Variants in PCDHGA3 observed in about 807,000 individuals in gnomAD.
The protein encoded by PCDHGA3 is protocadherin gamma subfamily A, 3, also known as protocadherin gamma-A3.
PCDHGA3 carries 40 observed loss-of-function variants against 58.5 expected under a neutral mutation model. The observed-to-expected ratio is 0.68, with a 90% confidence interval of 0.53 to 0.89. PCDHGA3 has a LOEUF of 0.89. Among genes scored for constraint, PCDHGA3 ranks in the 40% least tolerant of loss-of-function variants. The pLI, the probability that PCDHGA3 is intolerant of heterozygous loss-of-function variation, is 0.00. For synonymous variants in PCDHGA3, 530 were observed against 525.7 expected, an observed-to-expected ratio of 1.01 and a Z score of -0.11; for missense variants, 1,223 against 1,195.9, an observed-to-expected ratio of 1.02 and a Z score of -0.33.
At chr5:141,394,186 C>T (rs1412149852) in intron 1 of PCDHGA3, 7 of 1,613,792 alleles carry the variant, frequency 4.3e-6, no homozygotes, top group South Asian at 1.1e-5. Context: ...GCCTCCTACT[C>T]AGCGTATATC....
chr5:141,351,640 C>A (rs1460500162), intron 1 of PCDHGA3: 8 of 1,613,948 alleles, frequency 5.0e-6, no homozygotes, highest in South Asian at 2.2e-5. Flanking sequence ...TGTCTGAGAA[C>A]AACCCACCTG....
intron 1 of PCDHGA3, among the ~76,000 whole-genome samples, chr5:141,447,123 T>TTTTG (rs1327676720): frequency 6.6e-6 from 1 of 152,160 alleles, no homozygotes; most frequent in Admixed American, 6.6e-5. Context: ...CCATGGATTT[T>TTTTG]TTTGTTTGTT....
At chr5:141,423,499 G>T (rs1590485367) in intron 1 of PCDHGA3, 1 of 1,613,966 alleles carries the variant, frequency 6.2e-7, no homozygotes, top group Non-Finnish European at 8.5e-7. Context: ...TTCCCACGAG[G>T]TCTCTCTCAT....
In PCDHGA3 at chr5:141,352,624, T is replaced by A. The variant is rs763883175; in HGVS notation, c.2424+6167T>A. 3.1e-6 allele frequency: 5 copies of A among 1,612,368 alleles called. No homozygotes were observed. In the Admixed American group the frequency reaches 5.0e-5, roughly 16 times the overall value. The stretch of plus-strand genomic sequence containing the variant: ...ATCCTTCTATGGTTGTATGTGCCAG[T>A]AATGAAGATCACAAAATCGCTTATG... On this transcript the variant is annotated intron_variant, in intron 1 of 3. Transcript: ENST00000253812.
At chr5:141,420,073 G>A (rs2096463936) in intron 1 of PCDHGA3, 23 of 1,613,964 alleles carry the variant, frequency 1.4e-5, no homozygotes, top group Non-Finnish European at 1.9e-5. Context: ...CCGGACCTGT[G>A]GGTCCCCCCA....
At chr5:141,510,518 G>A (rs904482737) in intron 3 of PCDHGA3, among the ~76,000 whole-genome samples, 9 of 152,112 alleles carry the variant, frequency 5.9e-5, no homozygotes, top group Non-Finnish European at 1.0e-4. Flanking sequence ...CCGTGTCACA[G>A]CCCTGAGAGA....
chr5:141,371,113 C>A lies in PCDHGA3; in HGVS notation c.2424+24656C>A. The A allele has an allele frequency of 6.2e-7, 1 of 1,613,950 alleles. No homozygotes were observed. Among genetic ancestry groups the A allele is most frequent in the Non-Finnish European group, 8.5e-7 (1 of 1,179,846 alleles). ...GTCGCAGATGCAAATGATAACCCCC[C>A]AGTATTTACTCAGGACATGTACAGG... On this transcript the variant is annotated intron_variant, in intron 1 of 3. Coordinates refer to ENST00000253812, the MANE Select transcript of PCDHGA3 (RefSeq NM_018916.4).
At chr5:141,406,940 A>C (rs2094868445) in intron 1 of PCDHGA3, among the ~76,000 whole-genome samples, 1 of 152,212 alleles carries the variant, frequency 6.6e-6, no homozygotes, top group African/African-American at 2.4e-5. Context: ...ATTTAATGTT[A>C]TTTTAAACAT....
intron 1 of PCDHGA3, chr5:141,383,740 T>C: frequency 6.2e-7 from 1 of 1,614,008 alleles, no homozygotes. Context: ...GACATATTCT[T>C]TTCGGAAAAT....
intron 1 of PCDHGA3, chr5:141,357,641 G>C: frequency 6.2e-7 from 1 of 1,611,778 alleles, no homozygotes; most frequent in South Asian, 1.1e-5. Context: ...TCTTATAATA[G>C]ATCATACCAC....
intron 1 of PCDHGA3, chr5:141,382,952 T>C (rs781221322): frequency 6.2e-7 from 1 of 1,601,438 alleles, no homozygotes; most frequent in Non-Finnish European, 8.5e-7. Context: ...CTGCTCTCCA[T>C]CCTCCTGGGG....
chr5:141,461,040 G>A (rs536064886), intron 1 of PCDHGA3, among the ~76,000 whole-genome samples: 123 of 150,514 alleles, frequency 8.2e-4, no homozygotes, highest in East Asian at 2.5e-3. Flanking sequence ...CTCATTAGTC[G>A]ATGGGGACTT....
intron 1 of PCDHGA3, chr5:141,361,129 A>G: frequency 6.2e-7 from 1 of 1,614,024 alleles, no homozygotes; most frequent in Non-Finnish European, 8.5e-7. Context: ...AGCCCACTGC[A>G]GTATCCAAGT....
intron 1 of PCDHGA3, chr5:141,421,633 G>C (rs1369645749): frequency 1.9e-6 from 3 of 1,613,716 alleles, no homozygotes; most frequent in Non-Finnish European, 2.5e-6. Context: ...CAGCTTCCAG[G>C]AGGACGAAGT....
intron 1 of PCDHGA3, chr5:141,365,258 G>A: frequency 6.2e-7 from 1 of 1,613,996 alleles, no homozygotes; most frequent in Non-Finnish European, 8.5e-7. Flanking sequence ...ACTGGACTAT[G>A]AAGAATCCAG....
In PCDHGA3 at chr5:141,432,262, A is replaced by G; in HGVS notation, c.2425-62545A>G. 1.9e-6 allele frequency: 3 copies of G among 1,614,222 alleles called. No homozygotes were observed. Among genetic ancestry groups the G allele is most frequent in the Non-Finnish European group, 2.5e-6 (3 of 1,180,036 alleles). On this transcript the variant is annotated intron_variant, in intron 1 of 3. Coordinates refer to ENST00000253812, the MANE Select transcript of PCDHGA3 (RefSeq NM_018916.4). This position sits in a 1 kb window ranked among gnomAD's most constrained non-coding sequence, Gnocchi z 6.0. ...AGAACACCATCCAAGGGGCAAGCCT[A>G]TCGTCCTACGTGTCCATCAACTCCG...
At chr5:141,398,896 C>T (rs776008122) in intron 1 of PCDHGA3, 5 of 1,613,946 alleles carry the variant, frequency 3.1e-6, no homozygotes, top group Non-Finnish European at 3.4e-6. Context: ...AAACGTGCCA[C>T]CAGGCACCAC....
At chr5:141,376,085 A>T (rs777795289) in intron 1 of PCDHGA3, 1 of 1,613,530 alleles carries the variant, frequency 6.2e-7, no homozygotes. Flanking sequence ...GGCCGACAGG[A>T]TCCCCGACAT....
chr5:141,442,534 GA>G (rs1156284172), intron 1 of PCDHGA3: 1 of 152,222 alleles, frequency 6.6e-6, no homozygotes, highest in Non-Finnish European at 1.5e-5. Context: ...TCTCCAAGGT[GA>G]AAAATTCTTG....
Sources: gnomAD v4.1 joint callset for allele counts (sites outside exome capture counted in the v4.1 genomes callset) on GRCh38, gnomAD v4.1.1 for gene constraint, Gnocchi (gnomAD v3.1) non-coding constraint, MANE v1.5 for transcripts, NCBI Gene and HGNC (gene_info 2026-07-23, HGNC 2026-07-21) for gene names.